Variants in NRF1 observed in about 807,000 individuals in gnomAD.
NRF1 encodes the protein nuclear respiratory factor 1, also known as alpha palindromic-binding protein.
Under a neutral mutation model 58.5 loss-of-function variants are expected in NRF1, and 5 were observed. The ratio of observed to expected loss-of-function variants is 0.09; its 90% CI spans 0.04 to 0.18. The LOEUF (loss-of-function observed/expected upper bound fraction) is 0.18, where lower values mean the gene tolerates loss of function less well. Among genes scored for constraint, NRF1 ranks in the 10% least tolerant of loss-of-function variants. The probability of loss-of-function intolerance (pLI) is 1.00; values close to 1 mark genes in which losing one functional copy is unlikely to be tolerated. For synonymous variants in NRF1, 224 were observed against 246.7 expected, an observed-to-expected ratio of 0.91 and a Z score of 0.86; for missense variants, 288 against 657.7, an observed-to-expected ratio of 0.44 and a Z score of 6.15.
At chr7:129,664,120 G>A (rs1801866351) in intron 2 of NRF1, among the ~76,000 whole-genome samples, 1 of 151,540 alleles carries the variant, frequency 6.6e-6, no homozygotes, top group African/African-American at 2.4e-5. Flanking sequence ...GGGAGACAGT[G>A]GAGACGGGAA....
chr7:129,618,327 G>A (rs1469410757), intron 1 of NRF1, among the ~76,000 whole-genome samples: 2 of 152,174 alleles, frequency 1.3e-5, no homozygotes, highest in African/African-American at 2.4e-5. Context: ...GTAAGTACCT[G>A]GGTATTTGGG....
At position 129,690,260 on chromosome 7, in the gene NRF1, G is replaced by A. The variant is rs567614998; in HGVS notation, c.466-146G>A. On this transcript the variant is annotated intron_variant, in intron 4 of 10. Coordinates refer to ENST00000393232, the MANE Select transcript of NRF1 (RefSeq NM_005011.5). ...AGTATGATGTCTTTGGGACCAGTGG[G>A]TATTTTTATTTGCTTGTAGAAGTGT... The A allele has an allele frequency of 2.5e-5, 17 of 679,754 alleles. No homozygotes were observed. In the East Asian group the frequency reaches 4.5e-4, roughly 18 times the overall value. The allele number at this position is 679,754 out of a possible 1,614,324, so 42.1% of individuals were successfully genotyped here.
chr7:129,666,906 A>AT (rs1268402505), intron 2 of NRF1, among the ~76,000 whole-genome samples: 1 of 152,214 alleles, frequency 6.6e-6, no homozygotes, highest in East Asian at 1.9e-4. Context: ...ACAGTAATAC[A>AT]TTTTACATTG....
intron 1 of NRF1, among the ~76,000 whole-genome samples, chr7:129,628,475 A>G (rs1248403560): frequency 2.6e-5 from 4 of 152,200 alleles, no homozygotes; most frequent in East Asian, 1.9e-4. Context: ...TAAAAAGTTA[A>G]TATTTTAATT....
intron 3 of NRF1, among the ~76,000 whole-genome samples, chr7:129,672,200 CTT>C (rs58022845): frequency 1.1e-4 from 13 of 116,864 alleles, no homozygotes; most frequent in Admixed American, 1.9e-4. Context: ...GCCAGGAGAT[CTT>C]TTTTTTTTTT....
At chr7:129,738,434 A>G (rs572448664) in intron 10 of NRF1, among the ~76,000 whole-genome samples, 5 of 152,210 alleles carry the variant, frequency 3.3e-5, no homozygotes, top group Non-Finnish European at 7.3e-5. Flanking sequence ...CCCCTGGGAA[A>G]TAGGCTTTCT....
chr7:129,714,023 G>T (rs1803134288), intron 8 of NRF1, among the ~76,000 whole-genome samples: 1 of 152,328 alleles, frequency 6.6e-6, no homozygotes, highest in African/African-American at 2.4e-5. Context: ...CCTAGGGCTT[G>T]TGGCCCTTTC....
intron 1 of NRF1, among the ~76,000 whole-genome samples, chr7:129,616,436 CA>C (rs1315785847): frequency 6.6e-6 from 1 of 151,934 alleles, no homozygotes; most frequent in Non-Finnish European, 1.5e-5. Flanking sequence ...TTTAAAAAAA[CA>C]AAAAAACGAA....
chr7:129,667,723 T>A (rs1426752200), intron 2 of NRF1, among the ~76,000 whole-genome samples: 2 of 149,238 alleles, frequency 1.3e-5, no homozygotes, highest in African/African-American at 4.9e-5. Context: ...ATAATTTTTT[T>A]AATTTTCAAT....
chr7:129,659,370 C>T (rs764782562), intron 2 of NRF1, among the ~76,000 whole-genome samples: 1 of 152,144 alleles, frequency 6.6e-6, no homozygotes, highest in Non-Finnish European at 1.5e-5. Flanking sequence ...TGAGCCACCG[C>T]ATCCAGCGAA....
intron 2 of NRF1, among the ~76,000 whole-genome samples, chr7:129,669,004 G>A (rs35629686): frequency 0.13 from 19,736 of 152,068 alleles, 1,602 homozygotes; most frequent in Admixed American, 0.23. Flanking sequence ...CCAGAGTGCA[G>A]TGGAGTGATC....
At chr7:129,629,427 C>T (rs1454915512) in intron 1 of NRF1, among the ~76,000 whole-genome samples, 2 of 152,160 alleles carry the variant, frequency 1.3e-5, no homozygotes, top group Non-Finnish European at 2.9e-5. Flanking sequence ...ACAGCTGCCA[C>T]CACACGCCTG....
At chr7:129,702,749 A>C (rs1802855882) in intron 5 of NRF1, among the ~76,000 whole-genome samples, 1 of 152,176 alleles carries the variant, frequency 6.6e-6, no homozygotes, top group South Asian at 2.1e-4. Flanking sequence ...ATAACCTTTC[A>C]ACATGGTTTG....
intron 10 of NRF1, among the ~76,000 whole-genome samples, chr7:129,736,363 C>T (rs1246402919): frequency 1.3e-5 from 2 of 149,242 alleles, no homozygotes; most frequent in African/African-American, 2.5e-5. Flanking sequence ...CTCACTGCAA[C>T]CTCCACCTCC....
At chr7:129,687,849 C>T (rs1017999655) in intron 4 of NRF1, among the ~76,000 whole-genome samples, 6 of 152,144 alleles carry the variant, frequency 3.9e-5, no homozygotes, top group Non-Finnish European at 8.8e-5. Context: ...AACATGAGGT[C>T]AGTAATTCTG....
intron 4 of NRF1, among the ~76,000 whole-genome samples, chr7:129,683,310 TGTGTGTGTGTGAGAGAGAGAGAGA>T (rs923041530): frequency 4.3e-4 from 62 of 143,696 alleles, no homozygotes; most frequent in African/African-American, 1.5e-3. Context: ...TGTGTGTGTG[TGTGTGTGTGTGAGAGAGAGAGAGA>T]GAGAGAGAGA....
At chr7:129,737,342 C>T (rs537218583) in intron 10 of NRF1, among the ~76,000 whole-genome samples, 20 of 152,304 alleles carry the variant, frequency 1.3e-4, no homozygotes, top group African/African-American at 3.8e-4. Context: ...ACATAGTTTG[C>T]GGTCATGAGT....
At chr7:129,737,753 A>G (rs532809046) in intron 10 of NRF1, among the ~76,000 whole-genome samples, 1 of 152,354 alleles carries the variant, frequency 6.6e-6, no homozygotes, top group South Asian at 2.1e-4. Context: ...TAAAGTTTAA[A>G]TAAATGAATG....
At chr7:129,668,946 C>T (rs921719591) in intron 2 of NRF1, among the ~76,000 whole-genome samples, 1 of 152,128 alleles carries the variant, frequency 6.6e-6, no homozygotes, top group Non-Finnish European at 1.5e-5. Context: ...CCCCTCCCCT[C>T]CTGTCTCCTC....
Sources: allele counts gnomAD v4.1 joint callset (sites outside exome capture counted in the v4.1 genomes callset), GRCh38; gene constraint gnomAD v4.1.1; transcripts MANE v1.5; gene names NCBI Gene and HGNC (gene_info 2026-07-23, HGNC 2026-07-21).